Variants in SPTBN1 observed in about 807,000 individuals in gnomAD.
SPTBN1 encodes the protein spectrin beta chain, non-erythrocytic 1.
In SPTBN1, 32 loss-of-function variants were observed where a neutral mutation model predicts 266.4. The observed-to-expected ratio is 0.12, with a 90% CI of 0.09 to 0.16. The LOEUF (loss-of-function observed/expected upper bound fraction) is 0.16, where lower values mean the gene tolerates loss of function less well. SPTBN1 is among the 10% of genes least tolerant of loss of function. The pLI, the probability that SPTBN1 is intolerant of heterozygous loss-of-function variation, is 1.00. For synonymous variants in SPTBN1, 1,336 were observed against 1,162.2 expected, an observed-to-expected ratio of 1.15 and a Z score of -3.04; for missense variants, 2,296 against 3,067.1, an observed-to-expected ratio of 0.75 and a Z score of 5.94.
chr2:54,621,078 T>G (rs1677961504), intron 7 of SPTBN1, among the ~76,000 whole-genome samples: 1 of 152,156 alleles, frequency 6.6e-6, no homozygotes, highest in African/African-American at 2.4e-5. Context: ...ATCCAAAGAC[T>G]GATTGACAGG....
At chr2:54,592,944 GT>G (rs1174690916) in intron 2 of SPTBN1, among the ~76,000 whole-genome samples, 1 of 152,134 alleles carries the variant, frequency 6.6e-6, no homozygotes, top group Non-Finnish European at 1.5e-5. Flanking sequence ...CTACCTAATA[GT>G]TTGCTGTGAA....
intron 1 of SPTBN1, among the ~76,000 whole-genome samples, chr2:54,464,746 T>C (rs973795412): frequency 2.0e-5 from 3 of 152,092 alleles, no homozygotes; most frequent in Non-Finnish European, 4.4e-5. Context: ...CTGGAGTGCA[T>C]TGGCACGAAC....
At position 54,533,275 on chromosome 2, in the gene SPTBN1, A is replaced by G. The variant is rs1174459904; in HGVS notation, c.148+6709A>G. Among the ~76,000 whole-genome samples the G allele has an allele frequency of 1.3e-5, 2 of 151,482 alleles. No individual in the cohort carries two copies. Among genetic ancestry groups the G allele is most frequent in the Non-Finnish European group, 2.9e-5 (2 of 67,950 alleles). On this transcript the variant is annotated intron_variant, in intron 2 of 35. Coordinates refer to ENST00000356805, the MANE Select transcript of SPTBN1 (RefSeq NM_003128.3). The surrounding 1 kb of genome is among the most constrained non-coding windows in gnomAD (Gnocchi z 4.2). Reference sequence around the variant, plus strand: ...GAATTGCCTATTTCTTCAGTTTTTCATTTCATATTTCCAGACCATGGTTGA... The same window carrying G: ...GAATTGCCTATTTCTTCAGTTTTTCGTTTCATATTTCCAGACCATGGTTGA...
chr2:54,457,064 C>A (rs1161696721), intron 1 of SPTBN1, among the ~76,000 whole-genome samples: 1 of 151,614 alleles, frequency 6.6e-6, no homozygotes, highest in Admixed American at 6.6e-5. Flanking sequence ...GGCGTGGTCC[C>A]GGCTGCGCCG....
chr2:54,513,478 T>G (rs959735900), intron 1 of SPTBN1, among the ~76,000 whole-genome samples: 2 of 152,202 alleles, frequency 1.3e-5, no homozygotes, highest in African/African-American at 4.8e-5. Flanking sequence ...TGATACTAAC[T>G]TATGAAATTT....
intron 3 of SPTBN1, among the ~76,000 whole-genome samples, chr2:54,609,246 C>T (rs1051753104): frequency 6.6e-6 from 1 of 152,194 alleles, no homozygotes; most frequent in Admixed American, 6.5e-5. Flanking sequence ...TTCATCAAGT[C>T]GTCTTCCGTT....
intron 2 of SPTBN1, among the ~76,000 whole-genome samples, chr2:54,569,980 C>A (rs546869360): frequency 2.0e-5 from 3 of 149,234 alleles, no homozygotes; most frequent in Non-Finnish European, 3.0e-5. Context: ...TTCCCCCCCC[C>A]CTTTAGAAAG....
chr2:54,559,216 TC>T (rs900704908), intron 2 of SPTBN1, among the ~76,000 whole-genome samples: 8 of 152,146 alleles, frequency 5.3e-5, no homozygotes, highest in Non-Finnish European at 1.0e-4. Context: ...GGTATTTGAT[TC>T]CGGGTCGCCT....
chr2:54,512,081 A>G (rs1361108450), intron 1 of SPTBN1, among the ~76,000 whole-genome samples: 1 of 152,116 alleles, frequency 6.6e-6, no homozygotes, highest in Admixed American at 6.5e-5. Flanking sequence ...ATGAGGCTGT[A>G]ATGCCACCAT....
At chr2:54,506,894 CTT>C (rs779582626) in intron 1 of SPTBN1, among the ~76,000 whole-genome samples, 29,452 of 133,426 alleles carry the variant, frequency 0.22, 3,620 homozygotes, top group East Asian at 0.32. Flanking sequence ...GGTTCTCTCT[CTT>C]TTTTTTTTTT....
chr2:54,600,923 G>C (rs1395264724), intron 3 of SPTBN1, among the ~76,000 whole-genome samples: 1 of 151,690 alleles, frequency 6.6e-6, no homozygotes, highest in African/African-American at 2.4e-5. Flanking sequence ...TTTATACCAA[G>C]AAGATTGTGT....
intron 1 of SPTBN1, among the ~76,000 whole-genome samples, chr2:54,468,321 AAAAAAAT>A (rs1263325635): frequency 4.6e-5 from 4 of 86,608 alleles, no homozygotes; most frequent in Non-Finnish European, 9.7e-5. Context: ...AAAATAAAAT[AAAAAAAT>A]AAAAAATAAA....
chr2:54,603,689 G>T (rs1471614081), intron 3 of SPTBN1, among the ~76,000 whole-genome samples: 1 of 152,222 alleles, frequency 6.6e-6, no homozygotes, highest in African/African-American at 2.4e-5. Context: ...GTGTTGGGAG[G>T]AGTTTGGGGA....
intron 1 of SPTBN1, among the ~76,000 whole-genome samples, chr2:54,495,211 A>G (rs1045362385): frequency 1.3e-5 from 2 of 152,192 alleles, no homozygotes; most frequent in Non-Finnish European, 2.9e-5. Flanking sequence ...AGCAGGGACC[A>G]TACATTTGGA....
At chr2:54,619,740 T>G (rs1677868113) in intron 7 of SPTBN1, among the ~76,000 whole-genome samples, 1 of 152,190 alleles carries the variant, frequency 6.6e-6, no homozygotes, top group African/African-American at 2.4e-5. Context: ...CAGTTCACTC[T>G]CCTTTGTGCA....
chr2:54,465,542 T>G (rs1273745359), intron 1 of SPTBN1, among the ~76,000 whole-genome samples: 2 of 151,860 alleles, frequency 1.3e-5, no homozygotes, highest in African/African-American at 4.8e-5. Context: ...GAGGAACTAA[T>G]TTTAATATTC....
chr2:54,657,291 A>G (rs1041552109), intron 29 of SPTBN1, among the ~76,000 whole-genome samples: 4 of 152,164 alleles, frequency 2.6e-5, no homozygotes, highest in African/African-American at 7.2e-5. Context: ...CTACCGCCCA[A>G]AAGAGGGCGA....
intron 1 of SPTBN1, among the ~76,000 whole-genome samples, chr2:54,511,206 T>G (rs1049340568): frequency 6.6e-6 from 1 of 152,240 alleles, no homozygotes; most frequent in Admixed American, 6.5e-5. Flanking sequence ...TGTATACTCA[T>G]GTTTAGATAT....
At chr2:54,654,269 C>G (rs1197141913) in intron 27 of SPTBN1, among the ~76,000 whole-genome samples, 4 of 152,238 alleles carry the variant, frequency 2.6e-5, no homozygotes, top group Non-Finnish European at 5.9e-5. Flanking sequence ...AAAGACCACT[C>G]TATCCCTTTC....
Sources: allele counts gnomAD v4.1 joint callset (sites outside exome capture counted in the v4.1 genomes callset), GRCh38; gene constraint gnomAD v4.1.1; non-coding constraint Gnocchi (gnomAD v3.1); transcripts MANE v1.5; gene names NCBI Gene and HGNC (gene_info 2026-07-23, HGNC 2026-07-21).